Variants in LRP1B observed in about 807,000 individuals in gnomAD.
The protein encoded by LRP1B is LDL receptor related protein 1B.
In LRP1B, 217 loss-of-function variants were observed where a neutral mutation model predicts 556.6. The observed-to-expected ratio is 0.39, with a 90% confidence interval of 0.35 to 0.44. The LOEUF is 0.44. LRP1B is among the 20% of genes least tolerant of loss of function. LRP1B has a pLI of 1.00. For synonymous variants in LRP1B, 2,047 were observed against 1,865.8 expected, an observed-to-expected ratio of 1.10 and a Z score of -2.50; for missense variants, 5,053 against 5,620.8, an observed-to-expected ratio of 0.90 and a Z score of 3.23.
At chr2:141,016,058 G>C (rs1034510800) in intron 12 of LRP1B, 143 bp from the exon 13 acceptor site, 5 of 653,460 alleles carry the variant, frequency 7.7e-6, no homozygotes, top group South Asian at 5.5e-5. Context: ...CTGTCAAAGA[G>C]GGGGGAGCTG....
chr2:140,727,516 C>A (rs929671869), intron 35 of LRP1B, among the ~76,000 whole-genome samples: 1 of 152,160 alleles, frequency 6.6e-6, no homozygotes, highest in Non-Finnish European at 1.5e-5. Flanking sequence ...GGGATTACTT[C>A]ATGGAGGAAG....
chr2:140,994,211 T>G, intron 15 of LRP1B, 76 bp from the exon 16 acceptor site: 1 of 1,372,576 alleles, frequency 7.3e-7, no homozygotes, highest in South Asian at 1.3e-5. Context: ...TCTTGTAGAG[T>G]TTTTTGTTTG....
chr2:140,856,867 G>A (rs956079566), intron 27 of LRP1B, among the ~76,000 whole-genome samples: 1 of 152,094 alleles, frequency 6.6e-6, no homozygotes, highest in Non-Finnish European at 1.5e-5. Flanking sequence ...GTAAATGTAT[G>A]TGGGTATATA....
chr2:141,776,109 G>T (rs1377099836), intron 2 of LRP1B, among the ~76,000 whole-genome samples: 3 of 152,038 alleles, frequency 2.0e-5, no homozygotes, highest in Non-Finnish European at 4.4e-5. Flanking sequence ...GCCTCCCAAA[G>T]TGCTGGGATT....
intron 43 of LRP1B, among the ~76,000 whole-genome samples, chr2:140,590,604 T>G (rs1682183760): frequency 6.6e-6 from 1 of 151,572 alleles, no homozygotes; most frequent in Non-Finnish European, 1.5e-5. Context: ...CCAGTCCCCA[T>G]GCACATCAAG....
chr2:140,435,817 T>C (rs1345465505), intron 66 of LRP1B, among the ~76,000 whole-genome samples: 1 of 152,206 alleles, frequency 6.6e-6, no homozygotes, highest in African/African-American at 2.4e-5. Flanking sequence ...GACTCCCATG[T>C]AGTCATTCAT....
chr2:141,096,619 GGGGAGAGGGGGAGAGAGAGAGAGAGAGA>G (rs1275578696), intron 7 of LRP1B, among the ~76,000 whole-genome samples: 1 of 33,996 alleles, frequency 2.9e-5, no homozygotes, highest in Non-Finnish European at 5.5e-5. Context: ...TGACAAAGAC[GGGGAGAGGGGGAGAGAGAGAGAGAGAGA>G]GAGAGAGAGA....
chr2:140,765,473 G>C (rs1055978551), intron 35 of LRP1B, among the ~76,000 whole-genome samples: 1 of 152,084 alleles, frequency 6.6e-6, no homozygotes, highest in Non-Finnish European at 1.5e-5. Context: ...TAACTAAAAT[G>C]TATCTGTTAA....
At chr2:140,273,449 C>T (rs141625834) in intron 85 of LRP1B, among the ~76,000 whole-genome samples, 85 of 151,974 alleles carry the variant, frequency 5.6e-4, no homozygotes, top group South Asian at 1.5e-3. Flanking sequence ...TGCAGGTTTG[C>T]GTAAATGTCA....
chr2:140,351,096 C>T (rs2105117180), intron 76 of LRP1B, 58 bp from the exon 77 acceptor site: 1 of 1,123,058 alleles, frequency 8.9e-7, no homozygotes, highest in Non-Finnish European at 1.3e-6. Context: ...ATGTTAAAAG[C>T]AATAATTGTA....
chr2:140,371,081 G>A (rs1682973247), intron 70 of LRP1B, 98 bp downstream of exon 70: 1 of 889,072 alleles, frequency 1.1e-6, no homozygotes, highest in Non-Finnish European at 1.7e-6. Flanking sequence ...GTTAAACCAT[G>A]CTAAGAATCA....
chr2:140,689,834 A>G (rs1391861145), intron 41 of LRP1B, among the ~76,000 whole-genome samples: 1 of 152,206 alleles, frequency 6.6e-6, no homozygotes, highest in Non-Finnish European at 1.5e-5. Context: ...TCTCTTTCAC[A>G]CGGATATAAC....
intron 1 of LRP1B, among the ~76,000 whole-genome samples, chr2:142,000,160 G>A (rs1374923069): frequency 6.6e-6 from 1 of 152,068 alleles, no homozygotes; most frequent in Non-Finnish European, 1.5e-5. Flanking sequence ...GACACATATT[G>A]TATAATAACG....
intron 1 of LRP1B, among the ~76,000 whole-genome samples, chr2:142,110,212 T>C (rs751604957): frequency 1.4e-4 from 22 of 152,108 alleles, no homozygotes; most frequent in Non-Finnish European, 2.9e-4. Flanking sequence ...GTGGTACTTA[T>C]GGAGCATAAA....
chr2:141,182,561 A>G (rs927118397), intron 7 of LRP1B, among the ~76,000 whole-genome samples: 4 of 152,006 alleles, frequency 2.6e-5, no homozygotes, highest in Non-Finnish European at 2.9e-5. Flanking sequence ...AGAAACTTTA[A>G]GTCCCAGATA....
chr2:141,896,722 A>G (rs550656322), intron 1 of LRP1B, among the ~76,000 whole-genome samples: 2 of 152,334 alleles, frequency 1.3e-5, no homozygotes, highest in South Asian at 4.1e-4. Context: ...AAATACAAAC[A>G]TAAAATAAAA....
At chr2:140,346,742 G>A (rs932055089) in intron 77 of LRP1B, among the ~76,000 whole-genome samples, 9 of 151,934 alleles carry the variant, frequency 5.9e-5, no homozygotes, top group African/African-American at 1.9e-4. Flanking sequence ...TTGTGATACA[G>A]ACTCATATAT....
In LRP1B at chr2:140,495,691, C is replaced by T. The variant is rs1236515062; in HGVS notation, c.8908G>A (p.Asp2970Asn). The change falls in exon 56 of 91, where the codon GAT (aspartate) becomes AAT (asparagine). Residue 2970 changes from aspartate to asparagine, a missense_variant. Coordinates refer to ENST00000389484, the MANE Select transcript of LRP1B (RefSeq NM_018557.3). ...KDDGKTCVDI[D>N]ECSSGFPCSQ... ...CAGGGAAAGCCTGAAGAGCATTCATCAATGTCTACACATGTTTTGCCGTCA... is the reference window on the plus strand; with the variant it reads ...CAGGGAAAGCCTGAAGAGCATTCATTAATGTCTACACATGTTTTGCCGTCA... The T allele has an allele frequency of 6.2e-7, 1 of 1,613,942 alleles. No homozygotes were observed. The highest frequency in any genetic ancestry group is 1.7e-5 in the Admixed American group (1 of 60,010).
At chr2:141,985,612 A>C (rs755009209) in intron 1 of LRP1B, among the ~76,000 whole-genome samples, 1 of 148,852 alleles carries the variant, frequency 6.7e-6, no homozygotes, top group Non-Finnish European at 1.5e-5. Flanking sequence ...CAATTCTTTC[A>C]TTTTTTTTTT....
Sources: allele counts gnomAD v4.1 joint callset (sites outside exome capture counted in the v4.1 genomes callset), GRCh38; gene constraint gnomAD v4.1.1; transcripts MANE v1.5; gene names NCBI Gene and HGNC (gene_info 2026-07-23, HGNC 2026-07-21).